The following VSIG10L2 variants were observed in gnomAD, a reference collection of about 807,000 sequenced individuals.
VSIG10L2 encodes the protein V-set and immunoglobulin domain-containing protein 10-like 2.
VSIG10L2 carries 56 observed loss-of-function variants against 67.1 expected under a neutral mutation model. The ratio of observed to expected loss-of-function variants is 0.83; its 90% CI spans 0.67 to 1.04. The LOEUF (loss-of-function observed/expected upper bound fraction) is 1.04. Among genes scored for constraint, VSIG10L2 ranks in the 50% least tolerant of loss-of-function variants. The pLI is 0.00. For synonymous variants in VSIG10L2, 360 were observed against 396.6 expected, an observed-to-expected ratio of 0.91 and a Z score of 1.10; for missense variants, 843 against 932.8, an observed-to-expected ratio of 0.90 and a Z score of 1.25.
chr11:125,948,146 C>T, intron 2 of VSIG10L2, 110 bp downstream of exon 2: 1 of 1,231,668 alleles, frequency 8.1e-7, no homozygotes, highest in Non-Finnish European at 1.0e-6. Flanking sequence ...CTAAAGGGCG[C>T]CCCACTCCAG....
chr11:125,951,691 G>A, intron 5 of VSIG10L2, 122 bp from the exon 6 acceptor site: 3 of 993,862 alleles, frequency 3.0e-6, no homozygotes, highest in Non-Finnish European at 1.4e-6. Context: ...GTGTGAATGA[G>A]TGAGTGACAA....
chr11:125,952,849 C>A (rs1279327273), intron 6 of VSIG10L2, among the ~76,000 whole-genome samples: 2 of 152,244 alleles, frequency 1.3e-5, no homozygotes, highest in African/African-American at 4.8e-5. Flanking sequence ...CTCTTGGTCT[C>A]CAAAGGCTTG....
chr11:125,948,232 T>TG (rs1384894043), intron 2 of VSIG10L2, 73 bp from the exon 3 acceptor site: 17 of 1,231,198 alleles, frequency 1.4e-5, no homozygotes, highest in Non-Finnish European at 1.6e-5. Context: ...CCAGCAGGGG[T>TG]GGGGGCGCTG....
chr11:125,955,261 C>T, intron 9 of VSIG10L2, 82 bp downstream of exon 9: 2 of 1,310,830 alleles, frequency 1.5e-6, no homozygotes, highest in Non-Finnish European at 1.9e-6. Flanking sequence ...AGATGCAGCA[C>T]TCCCGGGGGA....
chr11:125,953,561 C>T lies in VSIG10L2; in HGVS notation c.1657C>T (p.His553Tyr), dbSNP rs1366762859. The part of the protein sequence containing the change: ...VDPGTSGFML[H>Y]PEGAQLRLGI... The stretch of plus-strand genomic sequence containing the variant: ...CCCCGGCACTTCAGGATTCATGCTG[C>T]ACCCTGAGGGTGCCCAGCTGCGCCT... Residue 553 changes from histidine to tyrosine, a missense_variant, in exon 7 of 12, where the codon CAC (histidine) becomes TAC (tyrosine). Physicochemically the swap from His to Tyr is moderately conservative, Grantham distance 83. This residue lies in a region of VSIG10L2 where 397 missense variants were observed against 384.4 expected (regional missense o/e 1.03). Transcript: ENST00000686984. The T allele has an allele frequency of 1.6e-6, 2 of 1,232,116 alleles. No homozygotes were observed. The highest frequency in any genetic ancestry group is 1.6e-5 in the African/African-American group (1 of 64,430). The allele number at this position is 1,232,116 out of a possible 1,614,324, so 76.3% of individuals were successfully genotyped here.
Position 125,951,902 on chromosome 11 carries a change from C to CCCCCTGCCACGCTGGGCGAG in VSIG10L2, c.1341_1342insGAGCCCCTGCCACGCTGGGC (p.Trp448GlufsTer155). On this transcript the variant is annotated frameshift_variant, in exon 6 of 12. Coordinates refer to ENST00000686984, the MANE Select transcript of VSIG10L2 (RefSeq NM_001365077.2). LOFTEE classifies it high-confidence loss of function. ...GAGCTGCGAGTGGCCTGGCGGCGAG[C>CCCCCTGCCACGCTGGGCGAG]CCCCTGCCACGCTGGGCTGGCTTGA... 1 of 1,535,278 alleles carries CCCCCTGCCACGCTGGGCGAG rather than the reference C, an allele frequency of 6.5e-7. No homozygotes were observed. Among genetic ancestry groups the CCCCCTGCCACGCTGGGCGAG allele is most frequent in the Non-Finnish European group, 8.7e-7 (1 of 1,146,332 alleles).
At chr11:125,948,722 C>T (rs1945326538) in intron 3 of VSIG10L2, 142 bp downstream of exon 3, 1 of 938,704 alleles carries the variant, frequency 1.1e-6, no homozygotes, top group Admixed American at 4.3e-5. Flanking sequence ...AGGCAAGAGT[C>T]ACGGGGTGCC....
At chr11:125,948,067 C>T (rs1054972079) in intron 2 of VSIG10L2, 31 bp downstream of exon 2, 100 of 1,232,346 alleles carry the variant, frequency 8.1e-5, no homozygotes, top group Middle Eastern at 3.1e-4. Context: ...GCAGCTGGTC[C>T]GCGGGCTGCT....
chr11:125,951,359 CCT>C (rs963126987), intron 5 of VSIG10L2, among the ~76,000 whole-genome samples: 10 of 152,292 alleles, frequency 6.6e-5, no homozygotes, highest in African/African-American at 2.4e-4. Context: ...GCTCTGTTCC[CCT>C]CACTTTGGGC....
intron 6 of VSIG10L2, 124 bp from the exon 7 acceptor site, chr11:125,953,276 G>C: frequency 1.2e-6 from 1 of 811,924 alleles, no homozygotes; most frequent in Non-Finnish European, 1.7e-6. Context: ...ACTGGCCCCA[G>C]ACAAGCCTCA....
rs1038441396 is a variant in VSIG10L2, at chr11:125,950,113, C to T, written c.809C>T (p.Ala270Val). ...EREEVTLSCLAASNPPSHYVW... is the reference protein window; with the variant it reads ...EREEVTLSCLVASNPPSHYVW... ...GAAGAGGTGACCCTGAGCTGTCTGG[C>T]TGCCTCCAACCCACCTAGTCACTAT... The change falls in exon 4 of 12, where the codon GCT (alanine) becomes GTT (valine). Residue 270 changes from alanine to valine, a missense_variant. By Grantham distance (64) the Ala-to-Val change is moderately conservative. This residue lies in a region of VSIG10L2 where 446 missense variants were observed against 548.4 expected (regional missense o/e 0.81). Coordinates refer to ENST00000686984, the MANE Select transcript of VSIG10L2 (RefSeq NM_001365077.2). 8.1e-7 allele frequency: 1 copy of T among 1,232,412 alleles called. No homozygotes were observed. The highest frequency in any genetic ancestry group is 1.0e-6 in the Non-Finnish European group (1 of 988,142). The allele number at this position is 1,232,412 out of a possible 1,614,324, so 76.3% of individuals were successfully genotyped here. A position where few individuals can be genotyped will look rare whatever the true frequency, so the allele number is the denominator to read the frequency against.
In VSIG10L2 at chr11:125,955,093, GT is replaced by G. The variant is rs1945440660; in HGVS notation, c.2121del (p.Ala708GlnfsTer8). The G allele has an allele frequency of 2.4e-6, 3 of 1,239,510 alleles. No homozygotes were observed. The African/African-American group carries it at 4.6e-5, about 19-fold the overall frequency. The allele number at this position is 1,239,510 out of a possible 1,614,324, so 76.8% of individuals were successfully genotyped here. ...PPFSAYPAVL[G>X]AAGTGMVVAT... is the part of the protein sequence containing the mutation. ...TTCAGCGCCTACCCAGCGGTGTTGG[GT>G]GCAGCAGGCACGGGAATGGTGGTAG... On this transcript the variant is annotated frameshift_variant, in exon 9 of 12. Coordinates refer to ENST00000686984, the MANE Select transcript of VSIG10L2 (RefSeq NM_001365077.2). LOFTEE classifies it high-confidence loss of function.
intron 1 of VSIG10L2, chr11:125,947,330 C>T: frequency 1.5e-6 from 1 of 687,166 alleles, no homozygotes; most frequent in Non-Finnish European, 1.8e-6. Context: ...ATATGGATTC[C>T]TGGGCCCTGA....
At position 125,955,633 on chromosome 11, in the gene VSIG10L2, G is replaced by A. The variant is rs1474356688; in HGVS notation, c.2250G>A (p.Gln750=). ...CTCTCAGGGAGCAAAGGCACCAACA[G>A]AGGGGTTCCAGAGAAGATGCTGAGG... ...LLVPTEQRHQ[Q]RGSREDAEAP... Residue 750 remains glutamine (Q), a synonymous_variant, in exon 11 of 12, where the codon CAG becomes CAA. Transcript: ENST00000686984. 1.8e-5 allele frequency: 27 copies of A among 1,531,474 alleles called. No homozygotes were observed. Among genetic ancestry groups the A allele is most frequent in the Non-Finnish European group, 2.3e-5 (26 of 1,144,720 alleles). 94.9% of individuals were successfully genotyped at this position (1,531,474 alleles called of 1,614,324 possible). A position where few individuals can be genotyped will look rare whatever the true frequency, so the allele number is the denominator to read the frequency against.
Position 125,951,994 on chromosome 11 carries a change from A to T in VSIG10L2, c.1416A>T (p.Glu472Asp). The T allele has an allele frequency of 6.5e-7, 1 of 1,534,178 alleles. No individual in the cohort carries two copies. Among genetic ancestry groups the T allele is most frequent in the South Asian group, 1.2e-5 (1 of 84,024 alleles). Residue 472 changes from glutamate to aspartate, a missense_variant, in exon 6 of 12, where the codon GAA (glutamate) becomes GAT (aspartate). Physicochemically the swap from Glu to Asp is conservative, Grantham distance 45. Transcript: ENST00000686984. Reference protein sequence around the residue: ...SMAVHLLQAQEDLAGREFTCR... With the variant: ...SMAVHLLQAQDDLAGREFTCR... Reference sequence around the variant, plus strand: ...CCGTTCACCTCCTGCAGGCCCAAGAAGATCTGGCTGGCAGAGAGTTCACCT... The same window carrying T: ...CCGTTCACCTCCTGCAGGCCCAAGATGATCTGGCTGGCAGAGAGTTCACCT...
At chr11:125,950,352 G>T in intron 4 of VSIG10L2, 63 bp downstream of exon 4, 1 of 1,230,742 alleles carries the variant, frequency 8.1e-7, no homozygotes, top group Non-Finnish European at 1.0e-6. Context: ...TGGAGCCTTT[G>T]TGGGGCTGTT....
In VSIG10L2 at chr11:125,946,824, C is replaced by A. The variant is rs1359359789; in HGVS notation, c.82+687C>A. ...GAGTGCTGGGATTACAGGCCTGAGC[C>A]ACTGAGCCCGGCCCCAGAGACTTAC... On this transcript the variant is annotated intron_variant, in intron 1 of 11. Transcript: ENST00000686984. The surrounding 1 kb of genome is among the most constrained non-coding windows in gnomAD (Gnocchi z 4.4). Among the ~76,000 whole-genome samples the A allele has an allele frequency of 6.6e-6, 1 of 152,212 alleles. No homozygotes were observed. The highest frequency in any genetic ancestry group is 1.5e-5 in the Non-Finnish European group (1 of 68,034).
Position 125,953,843 on chromosome 11 carries a change from T to C in VSIG10L2, c.1786+153T>C, listed in dbSNP as rs147017081. Among the ~76,000 whole-genome samples, 35 of 152,300 alleles carry C rather than the reference T, an allele frequency of 2.3e-4. 1 individual carries two copies. The highest frequency in any genetic ancestry group is 6.7e-4 in the African/African-American group (28 of 41,566). On this transcript the variant is annotated intron_variant, in intron 7 of 11. Coordinates refer to ENST00000686984, the MANE Select transcript of VSIG10L2 (RefSeq NM_001365077.2). Reference sequence around the variant, plus strand: ...GCATAGGCAGGACTCAAGAGATAGATGGGCAACATGCGCGTGAATCTGCTG... The same window carrying C: ...GCATAGGCAGGACTCAAGAGATAGACGGGCAACATGCGCGTGAATCTGCTG...
At chr11:125,947,229 A>G (rs1422517824) in intron 1 of VSIG10L2, among the ~76,000 whole-genome samples, 2 of 152,124 alleles carry the variant, frequency 1.3e-5, no homozygotes, top group Non-Finnish European at 2.9e-5. Flanking sequence ...CCAGACCCCG[A>G]GCCACCAGTG....
Sources: allele counts gnomAD v4.1 joint callset (sites outside exome capture counted in the v4.1 genomes callset), GRCh38; gene constraint gnomAD v4.1.1; regional missense constraint gnomAD v4.1.1; non-coding constraint Gnocchi (gnomAD v3.1); transcripts MANE v1.5; gene names NCBI Gene and HGNC (gene_info 2026-07-23, HGNC 2026-07-21).